Variants in IDO2 observed in about 807,000 individuals in gnomAD.
The protein encoded by IDO2 is indoleamine 2,3-dioxygenase-like 1 protein.
IDO2 carries 46 observed loss-of-function variants against 45.1 expected under a neutral mutation model. The observed-to-expected ratio is 1.02, with a 90% CI of 0.80 to 1.30. IDO2 has a LOEUF of 1.30. Ranked by LOEUF, IDO2 falls within the 50% of genes most tolerant of loss-of-function variation. The pLI is 0.00. For missense variants in IDO2, 544 were observed against 491.8 expected (o/e 1.11, Z -1.00); for synonymous variants, 218 against 184.9 (o/e 1.18, Z -1.45).
intron 8 of IDO2, among the ~76,000 whole-genome samples, chr8:39,990,744 C>T (rs1236935363): frequency 5.9e-5 from 9 of 152,168 alleles, no homozygotes; most frequent in African/African-American, 1.9e-4. Flanking sequence ...TGCCCTATTC[C>T]AGAATAAATA....
intron 5 of IDO2, 55 bp downstream of exon 5, chr8:39,982,825 C>T: frequency 8.5e-7 from 1 of 1,175,642 alleles, no homozygotes; most frequent in Admixed American, 2.5e-5. Flanking sequence ...AGGAAACACC[C>T]AGGCTTTTTT....
intron 3 of IDO2, among the ~76,000 whole-genome samples, chr8:39,970,679 C>T (rs964222746): frequency 3.3e-5 from 5 of 152,036 alleles, no homozygotes; most frequent in African/African-American, 1.2e-4. Flanking sequence ...GCATGAGCCA[C>T]CACGCCTGGC....
chr8:39,987,596 GTTATT>G (rs1367840523), intron 6 of IDO2: 1 of 310,184 alleles, frequency 3.2e-6, no homozygotes, highest in Non-Finnish European at 6.0e-6. Context: ...CATTCAGCCA[GTTATT>G]CCACTGCGGA....
chr8:39,976,163 G>A (rs1390710503), intron 3 of IDO2, among the ~76,000 whole-genome samples: 1 of 151,994 alleles, frequency 6.6e-6, no homozygotes, highest in Non-Finnish European at 1.5e-5. Context: ...TATTTTTATA[G>A]AGATGGGATT....
chr8:39,955,999 T>C (rs189362849), intron 2 of IDO2, among the ~76,000 whole-genome samples: 2 of 152,208 alleles, frequency 1.3e-5, no homozygotes, highest in East Asian at 3.9e-4. Flanking sequence ...CCTTGGTTAG[T>C]GTTATTATTT....
At chr8:39,971,109 A>G (rs1418158792) in intron 3 of IDO2, among the ~76,000 whole-genome samples, 1 of 152,172 alleles carries the variant, frequency 6.6e-6, no homozygotes, top group African/African-American at 2.4e-5. Flanking sequence ...GCTTGAAAGG[A>G]CAGGCTGACT....
At chr8:40,004,532 TAGATAGATA>T (rs1469205242) in intron 8 of IDO2, among the ~76,000 whole-genome samples, 1 of 132,948 alleles carries the variant, frequency 7.5e-6, no homozygotes, top group Non-Finnish European at 1.7e-5. Flanking sequence ...AGATGATAGA[TAGATAGATA>T]GATAGATAGA....
At chr8:39,966,437 A>G (rs868425152) in intron 3 of IDO2, among the ~76,000 whole-genome samples, 3 of 152,246 alleles carry the variant, frequency 2.0e-5, no homozygotes, top group African/African-American at 7.2e-5. Context: ...AGAAGCAAAC[A>G]CAATAGTTTC....
In IDO2 at chr8:39,985,501, G is replaced by T; in HGVS notation, c.435-7G>T. On this transcript the variant is annotated splice_region_variant and splice_polypyrimidine_tract_variant and intron_variant, in intron 5 of 10. Coordinates refer to ENST00000502986, the Ensembl canonical transcript of IDO2. ...TTGGTGGTCATCAATAACTGAAATT[G>T]GGCTAGATTCCTGGAAATTGGGTAA... 1 of 1,562,596 alleles carries T rather than the reference G, an allele frequency of 6.4e-7. No individual in the cohort carries two copies. The highest frequency in any genetic ancestry group is 8.7e-7 in the Non-Finnish European group (1 of 1,152,084).
intron 3 of IDO2, among the ~76,000 whole-genome samples, chr8:39,969,302 T>TA (rs1011647041): frequency 6.6e-6 from 1 of 152,198 alleles, no homozygotes; most frequent in African/African-American, 2.4e-5. Flanking sequence ...TCTTTACTAT[T>TA]ACATCTGTTA....
At chr8:39,941,481 A>G (rs1055560867) in intron 1 of IDO2, among the ~76,000 whole-genome samples, 1 of 152,168 alleles carries the variant, frequency 6.6e-6, no homozygotes, top group Admixed American at 6.6e-5. Flanking sequence ...CCAGGCCAAG[A>G]AAATTTGCAC....
chr8:40,013,859 C>T, intron 10 of IDO2, 146 bp downstream of exon 10: 1 of 602,720 alleles, frequency 1.7e-6, no homozygotes. Flanking sequence ...TGCATGACTG[C>T]CAATGTTTTT....
At chr8:40,005,495 A>G in intron 9 of IDO2, 117 bp downstream of exon 9, 1 of 537,144 alleles carries the variant, frequency 1.9e-6, no homozygotes, top group Middle Eastern at 2.8e-4. Flanking sequence ...GACTCTTGCT[A>G]GGGATCCACT....
chr8:39,947,572 A>C (rs1807756638), intron 1 of IDO2, among the ~76,000 whole-genome samples: 1 of 152,120 alleles, frequency 6.6e-6, no homozygotes, highest in Non-Finnish European at 1.5e-5. Context: ...AAAAGTTCTA[A>C]GTTGCTAGCC....
At chr8:40,001,576 C>T (rs1802138405) in intron 8 of IDO2, among the ~76,000 whole-genome samples, 2 of 151,582 alleles carry the variant, frequency 1.3e-5, no homozygotes, top group Admixed American at 1.3e-4. Context: ...ACTAATTAGG[C>T]TTTTATCTTA....
chr8:39,971,168 C>T (rs1808174585), intron 3 of IDO2, among the ~76,000 whole-genome samples: 1 of 152,258 alleles, frequency 6.6e-6, no homozygotes, highest in African/African-American at 2.4e-5. Flanking sequence ...GAAGCCAGTG[C>T]TCATTTACCA....
chr8:39,948,667 A>G (rs1807773643), intron 1 of IDO2, among the ~76,000 whole-genome samples: 2 of 152,188 alleles, frequency 1.3e-5, no homozygotes, highest in South Asian at 4.1e-4. Context: ...CAGGGCTGGT[A>G]GGAAGGATTA....
At chr8:40,008,238 G>A (rs1802252006) in intron 9 of IDO2, among the ~76,000 whole-genome samples, 1 of 151,968 alleles carries the variant, frequency 6.6e-6, no homozygotes, top group African/African-American at 2.4e-5. Context: ...TAGAGATGTG[G>A]TCTCACCATG....
chr8:39,965,881 T>C (rs971427656), intron 3 of IDO2, among the ~76,000 whole-genome samples: 7 of 111,812 alleles, frequency 6.3e-5, no homozygotes, highest in South Asian at 3.9e-4. Context: ...ACCAACCCTA[T>C]TGATACCTTA....
Sources: gnomAD v4.1 joint callset for allele counts (sites outside exome capture counted in the v4.1 genomes callset) on GRCh38, gnomAD v4.1.1 for gene constraint, MANE v1.5 for transcripts, NCBI Gene and HGNC (gene_info 2026-07-23, HGNC 2026-07-21) for gene names.